The following TACC3 variants were observed in gnomAD, a reference collection of about 807,000 sequenced individuals.
TACC3 encodes transforming acidic coiled-coil containing protein 3, also known as transforming acidic coiled-coil-containing protein 3.
Under a neutral mutation model 86.0 loss-of-function variants are expected in TACC3, and 52 were observed. The ratio of observed to expected loss-of-function variants is 0.60; its 90% CI spans 0.48 to 0.76. The LOEUF is 0.76. Ranked by LOEUF, TACC3 falls within the 30% of genes least tolerant of loss-of-function variation. The pLI, the probability that TACC3 is intolerant of heterozygous loss-of-function variation, is 0.00. For synonymous variants in TACC3, 512 were observed against 430.0 expected, an observed-to-expected ratio of 1.19 and a Z score of -2.36; for missense variants, 1,120 against 1,070.4, an observed-to-expected ratio of 1.05 and a Z score of -0.65.
intron 3 of TACC3, among the ~76,000 whole-genome samples, chr4:1,726,511 G>T (rs916292119): frequency 1.3e-5 from 2 of 152,248 alleles, no homozygotes; most frequent in Non-Finnish European, 2.9e-5. Flanking sequence ...ACAGGACAAT[G>T]TTGACTGAGC....
At chr4:1,722,760 G>A (rs1244225614) in intron 1 of TACC3, among the ~76,000 whole-genome samples, 4 of 152,188 alleles carry the variant, frequency 2.6e-5, no homozygotes, top group African/African-American at 7.2e-5. Flanking sequence ...GTGGGTGACC[G>A]GCGTGAGGAC....
chr4:1,728,731 G>A lies in TACC3; in HGVS notation c.1329G>A (p.Ala443=), dbSNP rs748068710. The change falls in exon 4 of 16, where the codon GCG becomes GCA. Residue 443 remains alanine (A), a synonymous_variant. Coordinates refer to ENST00000313288, the MANE Select transcript of TACC3 (RefSeq NM_006342.3). ...CTGAGACCAGGCTGGGCCAGCCAGC[G>A]GCTGAACAGTTGCATGCTGGGCCTG... is the stretch of plus-strand genomic sequence containing the variant. ...ESPETRLGQP[A]AEQLHAGPAT... is the part of the protein sequence containing the mutation. 4 of 1,612,882 alleles carry A rather than the reference G, an allele frequency of 2.5e-6. No homozygotes were observed. The East Asian group carries it at 6.7e-5, about 27-fold the overall frequency.
intron 6 of TACC3, among the ~76,000 whole-genome samples, chr4:1,731,666 C>T (rs1017830530): frequency 3.3e-5 from 5 of 151,910 alleles, no homozygotes; most frequent in Admixed American, 1.3e-4. Context: ...GAGATAGTCT[C>T]GCTCTGTCAC....
chr4:1,730,448 C>T (rs551648161), intron 4 of TACC3: 26 of 306,804 alleles, frequency 8.5e-5, no homozygotes, highest in African/African-American at 4.1e-4. Context: ...TAATCTATTT[C>T]TAGTATAACT....
chr4:1,733,986 A>AG (rs990602361), intron 6 of TACC3, among the ~76,000 whole-genome samples: 3 of 152,040 alleles, frequency 2.0e-5, no homozygotes, highest in Non-Finnish European at 2.9e-5. Context: ...CAAAAAAAAA[A>AG]AAAAGAAAAG....
At position 1,728,587 on chromosome 4, in the gene TACC3, C is replaced by T. The variant is rs146630510; in HGVS notation, c.1185C>T (p.Pro395=). ...GGAGCGGAGCAGGAGAGGACCCCCC[C>T]ATGCCAGCTTCTCGGGGCTCTTACC... ...DGRSGAGEDP[P]MPASRGSYHL... The change falls in exon 4 of 16, where the codon CCC becomes CCT. Residue 395 remains proline (P), a synonymous_variant. Transcript: ENST00000313288. 1,356 of 1,614,000 alleles carry T rather than the reference C, an allele frequency of 8.4e-4. 10 individuals are homozygous for T. The African/African-American group carries it at 0.016, about 19-fold the overall frequency.
chr4:1,737,651 C>T lies in TACC3; in HGVS notation c.1890C>T (p.Thr630=), dbSNP rs568037902. The change falls in exon 10 of 16, where the codon ACC becomes ACT. Residue 630 remains threonine, a synonymous_variant. Coordinates refer to ENST00000313288, the MANE Select transcript of TACC3 (RefSeq NM_006342.3). The stretch of plus-strand genomic sequence containing the variant: ...CGCCTGGGGGCCCACCCCTGTCCAC[C>T]GGACCTATAGTGGACCTGCTCCAGT... ...VPAPGGPPLS[T]GPIVDLLQYS... 42 of 1,546,806 alleles carry T rather than the reference C, an allele frequency of 2.7e-5. 1 individual carries two copies. Among genetic ancestry groups the T allele is most frequent in the South Asian group, 2.2e-4 (18 of 83,636 alleles).
chr4:1,735,248 CG>C lies in TACC3; in HGVS notation c.1592-23del. On this transcript the variant is annotated intron_variant, in intron 6 of 15. Transcript: ENST00000313288. This position sits in a 1 kb window ranked among gnomAD's most constrained non-coding sequence, Gnocchi z 4.2. Reference sequence around the variant, plus strand: ...TTAGGGCCCTGGTGAGGGGCGATGGCGGCGGCATGATTCACTCCTCTCAGTT... The same window carrying C: ...TTAGGGCCCTGGTGAGGGGCGATGGCGCGGCATGATTCACTCCTCTCAGTT... The C allele has an allele frequency of 6.2e-7, 1 of 1,613,620 alleles. No individual in the cohort carries two copies. The highest frequency in any genetic ancestry group is 8.5e-7 in the Non-Finnish European group (1 of 1,179,960).
chr4:1,738,668 GA>G (rs1015493446), intron 10 of TACC3, among the ~76,000 whole-genome samples: 1 of 152,220 alleles, frequency 6.6e-6, no homozygotes, highest in Non-Finnish European at 1.5e-5. Context: ...GAGCACACCT[GA>G]ACAAGGGAGG....
chr4:1,739,516 G>A (rs1291599005), intron 10 of TACC3, 186 bp from the exon 11 acceptor site: 2 of 602,120 alleles, frequency 3.3e-6, no homozygotes, highest in African/African-American at 1.9e-5. Flanking sequence ...GCAGTCGGGT[G>A]CACGTGGAGC....
At chr4:1,730,861 G>A (rs1187692959) in intron 4 of TACC3, 26 bp from the exon 5 acceptor site, 1 of 1,610,806 alleles carries the variant, frequency 6.2e-7, no homozygotes. Context: ...GGGGGGCATG[G>A]GCCTCTGCTG....
chr4:1,743,563 A>C (rs934437560), intron 13 of TACC3, among the ~76,000 whole-genome samples: 1 of 88,060 alleles, frequency 1.1e-5, no homozygotes, highest in African/African-American at 3.8e-5. Flanking sequence ...AAAAAAAAAA[A>C]CAGAAACTAG....
intron 6 of TACC3, among the ~76,000 whole-genome samples, chr4:1,732,736 G>C (rs528145035): frequency 1.1e-3 from 170 of 152,320 alleles, no homozygotes; most frequent in Middle Eastern, 3.4e-3. Context: ...TCTGTGTCCG[G>C]CGTCTCCCTC....
At position 1,723,880 on chromosome 4, in the gene TACC3, G is replaced by C; in HGVS notation, c.305+10G>C. The C allele has an allele frequency of 1.2e-6, 2 of 1,612,632 alleles. No homozygotes were observed. The highest frequency in any genetic ancestry group is 1.7e-6 in the Non-Finnish European group (2 of 1,179,670). On this transcript the variant is annotated intron_variant, in intron 3 of 15. Coordinates refer to ENST00000313288, the MANE Select transcript of TACC3 (RefSeq NM_006342.3). ...GGACACAGAAAGAGAAGTAAGTGTT[G>C]GTGCTGCTGGACATGCTGGAGCTTC...
At chr4:1,723,062 C>T (rs62285103) in intron 1 of TACC3, 15,208 of 193,162 alleles carry the variant, frequency 0.079, 933 homozygotes, top group Admixed American at 0.17. Flanking sequence ...CTTATTGGCC[C>T]GGGCTTTTCC....
At chr4:1,739,441 C>T (rs747470883) in intron 10 of TACC3, 28 of 560,076 alleles carry the variant, frequency 5.0e-5, no homozygotes, top group South Asian at 1.4e-4. Context: ...GGGACACACA[C>T]CTGTTGGGTG....
upstream of TACC3, chr4:1,720,639 G>A (rs1408586459): frequency 1.3e-6 from 2 of 1,540,270 alleles, no homozygotes; most frequent in African/African-American, 1.4e-5. This position sits in a 1 kb window ranked among gnomAD's most constrained non-coding sequence, Gnocchi z 4.4. Context: ...TCACCGAGCG[G>A]CAGCAGCGAG....
intron 3 of TACC3, 96 bp from the exon 4 acceptor site, chr4:1,727,612 G>C (rs1040861455): frequency 1.3e-6 from 2 of 1,512,454 alleles, no homozygotes; most frequent in Non-Finnish European, 1.8e-6. Context: ...CCTGCTTCTG[G>C]TGTGAGAATG....
rs1718344010 is a variant in TACC3 at position 1,737,595 on chromosome 4, C to T, written c.1837-3C>T. Reference sequence around the variant, plus strand: ...GTTCCTGTTTCATCCCCATCTCCCGCAGGTGCCAGGCCCACCCCCAGGTGT... The same window carrying T: ...GTTCCTGTTTCATCCCCATCTCCCGTAGGTGCCAGGCCCACCCCCAGGTGT... On this transcript the variant is annotated splice_region_variant and splice_polypyrimidine_tract_variant and intron_variant, in intron 9 of 15. Transcript: ENST00000313288. 8 of 1,502,138 alleles carry T rather than the reference C, an allele frequency of 5.3e-6. No homozygotes were observed. Among genetic ancestry groups the T allele is most frequent in the Non-Finnish European group, 7.1e-6 (8 of 1,120,772 alleles). The allele number at this position is 1,502,138 out of a possible 1,614,324, so 93.1% of individuals were successfully genotyped here.
Sources: gnomAD v4.1 joint callset for allele counts (sites outside exome capture counted in the v4.1 genomes callset) on GRCh38, gnomAD v4.1.1 for gene constraint, Gnocchi (gnomAD v3.1) non-coding constraint, MANE v1.5 for transcripts, NCBI Gene and HGNC (gene_info 2026-07-23, HGNC 2026-07-21) for gene names.